Variants in PLEKHS1 observed in about 807,000 individuals in gnomAD.
The protein encoded by PLEKHS1 is pleckstrin homology domain containing S1.
Under a neutral mutation model 51.0 loss-of-function variants are expected in PLEKHS1, and 55 were observed. The observed-to-expected ratio is 1.08, with a 90% CI of 0.87 to 1.35. PLEKHS1 has a LOEUF of 1.35. PLEKHS1 is among the 40% of genes most tolerant of loss of function. The probability of loss-of-function intolerance (pLI) is 0.00; values close to 1 mark genes in which losing one functional copy is unlikely to be tolerated. For synonymous variants in PLEKHS1, 153 were observed against 144.8 expected, an observed-to-expected ratio of 1.06 and a Z score of -0.41; for missense variants, 398 against 423.0, an observed-to-expected ratio of 0.94 and a Z score of 0.52.
At chr10:113,768,034 C>A (rs149852406) in intron 5 of PLEKHS1, among the ~76,000 whole-genome samples, 1 of 152,120 alleles carries the variant, frequency 6.6e-6, no homozygotes. Flanking sequence ...TATTGGGATA[C>A]GGAACTGAAA....
intron 2 of PLEKHS1, among the ~76,000 whole-genome samples, chr10:113,758,968 A>T (rs1233239887): frequency 6.6e-6 from 1 of 152,206 alleles, no homozygotes; most frequent in Admixed American, 6.5e-5. Flanking sequence ...TGGTCCCAGT[A>T]GACTTGCTCA....
At chr10:113,762,365 C>CTT (rs34457408) in intron 2 of PLEKHS1, among the ~76,000 whole-genome samples, 156 of 61,766 alleles carry the variant, frequency 2.5e-3, no homozygotes, top group South Asian at 0.021. Flanking sequence ...AGATTTGTTC[C>CTT]TTTTTTTTTT....
At chr10:113,778,299 ATTTATCT>A (rs1036770611) in intron 11 of PLEKHS1, among the ~76,000 whole-genome samples, 16 of 152,256 alleles carry the variant, frequency 1.1e-4, no homozygotes, top group African/African-American at 3.4e-4. Context: ...AGAAGCTTAC[ATTTATCT>A]TTTATCTTTT....
intron 1 of PLEKHS1, among the ~76,000 whole-genome samples, chr10:113,755,056 T>G (rs1375596518): frequency 6.6e-6 from 1 of 152,118 alleles, no homozygotes; most frequent in African/African-American, 2.4e-5. Context: ...ACAAGCTGCT[T>G]AGATGTGTCC....
chr10:113,766,340 T>C (rs925548149), intron 2 of PLEKHS1, 71 bp from the exon 3 acceptor site: 2 of 903,682 alleles, frequency 2.2e-6, no homozygotes, highest in Non-Finnish European at 3.5e-6. Flanking sequence ...AGATAAACAG[T>C]GTTTTCCAAT....
chr10:113,775,180 C>A, intron 10 of PLEKHS1, 145 bp downstream of exon 10: 1 of 729,848 alleles, frequency 1.4e-6, no homozygotes, highest in Non-Finnish European at 2.2e-6. Context: ...TTCTCCCTGT[C>A]ATTGATGTTG....
chr10:113,776,040 T>C (rs1301992912), intron 11 of PLEKHS1, among the ~76,000 whole-genome samples, 174 bp downstream of exon 11: 1 of 152,174 alleles, frequency 6.6e-6, no homozygotes, highest in Non-Finnish European at 1.5e-5. Flanking sequence ...ATCAGGGTCT[T>C]GTTGTGCAGA....
chr10:113,764,988 T>C (rs1417701196), intron 2 of PLEKHS1: 4 of 165,398 alleles, frequency 2.4e-5, no homozygotes, highest in African/African-American at 9.5e-5. Flanking sequence ...AATATAGTGA[T>C]AATAACTGCT....
intron 9 of PLEKHS1, 48 bp from the exon 10 acceptor site, chr10:113,774,778 T>C: frequency 5.1e-6 from 8 of 1,554,402 alleles, no homozygotes; most frequent in Non-Finnish European, 7.1e-6. Context: ...GGGAACACTG[T>C]AAAAACACAT....
intron 11 of PLEKHS1, among the ~76,000 whole-genome samples, chr10:113,778,858 C>T (rs1411667481): frequency 2.0e-5 from 3 of 152,134 alleles, no homozygotes; most frequent in African/African-American, 7.2e-5. Flanking sequence ...GTCTCAATCT[C>T]CTGACCTCGT....
chr10:113,769,167 A>G (rs1046418251), intron 6 of PLEKHS1, among the ~76,000 whole-genome samples: 1 of 152,248 alleles, frequency 6.6e-6, no homozygotes, highest in African/African-American at 2.4e-5. Context: ...GCTAGAATAT[A>G]GTATTTTCCA....
chr10:113,780,481 C>G, intron 11 of PLEKHS1, 121 bp from the exon 13 acceptor site: 1 of 896,842 alleles, frequency 1.1e-6, no homozygotes, highest in South Asian at 1.5e-5. Context: ...CCAGATATTA[C>G]AGTTCACTGC....
At chr10:113,756,727 G>T (rs1854131193) in intron 2 of PLEKHS1, among the ~76,000 whole-genome samples, 1 of 152,118 alleles carries the variant, frequency 6.6e-6, no homozygotes. Context: ...CCAAAGCAAT[G>T]AAATGGTATA....
chr10:113,779,824 A>G (rs1844814446), intron 11 of PLEKHS1, among the ~76,000 whole-genome samples: 1 of 152,124 alleles, frequency 6.6e-6, no homozygotes, highest in Non-Finnish European at 1.5e-5. Flanking sequence ...TTCCCTTTCT[A>G]ATTGATAACA....
chr10:113,762,842 G>A (rs974438308), intron 2 of PLEKHS1, among the ~76,000 whole-genome samples: 1 of 151,928 alleles, frequency 6.6e-6, no homozygotes, highest in African/African-American at 2.4e-5. Flanking sequence ...TGGTAGTGTT[G>A]TTCAAGCCTA....
intron 11 of PLEKHS1, 94 bp downstream of exon 11, chr10:113,775,960 G>C: frequency 4.3e-6 from 4 of 921,974 alleles, no homozygotes; most frequent in Non-Finnish European, 6.5e-6. Flanking sequence ...TGGCAACACT[G>C]ACTAGGTTTG....
rs1593035907 is a variant in PLEKHS1, at chr10:113,772,224, A to G, written c.672+135A>G. 1.5e-5 allele frequency: 14 copies of G among 915,364 alleles called. 1 individual carries two copies. The East Asian group carries it at 3.6e-4, about 24-fold the overall frequency. 56.7% of individuals were successfully genotyped at this position (915,364 alleles called of 1,614,324 possible). ...TAAATCAAATACAGATGACGTGCTC[A>G]TGGTGCTGACACTTGACTAGGAGAC... On this transcript the variant is annotated intron_variant, in intron 8 of 11. Transcript: ENST00000361048.
chr10:113,767,223 C>A (rs1844203124), intron 4 of PLEKHS1, 122 bp from the exon 5 acceptor site: 1 of 664,410 alleles, frequency 1.5e-6, no homozygotes, highest in African/African-American at 1.9e-5. Flanking sequence ...AATTATTGGA[C>A]AATCTTGGAA....
intron 11 of PLEKHS1, chr10:113,777,727 C>T (rs926056228): frequency 1.3e-6 from 2 of 1,491,770 alleles, no homozygotes; most frequent in African/African-American, 2.8e-5. Context: ...TCTACTACAA[C>T]TGACCATGGA....
Sources: allele counts gnomAD v4.1 joint callset (sites outside exome capture counted in the v4.1 genomes callset), GRCh38; gene constraint gnomAD v4.1.1; transcripts MANE v1.5; gene names NCBI Gene and HGNC (gene_info 2026-07-23, HGNC 2026-07-21).